JAKMIP1: variants seen among roughly 807,000 people sequenced by gnomAD.
JAKMIP1 encodes janus kinase and microtubule interacting protein 1, also known as janus kinase and microtubule-interacting protein 1.
Under a neutral mutation model 113.0 loss-of-function variants are expected in JAKMIP1, and 33 were observed. The ratio of observed to expected loss-of-function variants is 0.29; its 90% CI spans 0.22 to 0.39. The LOEUF (loss-of-function observed/expected upper bound fraction) is 0.39, where lower values mean the gene tolerates loss of function less well. JAKMIP1 is among the 10% of genes least tolerant of loss of function. The probability of loss-of-function intolerance (pLI) is 1.00; values close to 1 mark genes in which losing one functional copy is unlikely to be tolerated. For synonymous variants in JAKMIP1, 480 were observed against 459.9 expected, an observed-to-expected ratio of 1.04 and a Z score of -0.56; for missense variants, 813 against 1,080.5, an observed-to-expected ratio of 0.75 and a Z score of 3.47.
At chr4:6,079,073 G>C in intron 7 of JAKMIP1, 75 bp from the exon 8 acceptor site, 1 of 1,536,682 alleles carries the variant, frequency 6.5e-7, no homozygotes. Context: ...GCTCTCAAAG[G>C]GAGCTGGGCC....
In JAKMIP1 at chr4:6,081,508, G is replaced by T; in HGVS notation, c.1101+101C>A. 1 of 1,334,670 alleles carries T rather than the reference G, an allele frequency of 7.5e-7. No individual in the cohort carries two copies. The highest frequency in any genetic ancestry group is 1.0e-6 in the Non-Finnish European group (1 of 955,386). 82.7% of individuals were successfully genotyped at this position (1,334,670 alleles called of 1,614,324 possible). A position where few individuals can be genotyped will look rare whatever the true frequency, so the allele number is the denominator to read the frequency against. ...CTGGTGCTTTGTGGGGAGGTGGGCA[G>T]CAGGTGCGCCCCAGAACATGTGAAT... is the stretch of plus-strand genomic sequence containing the variant. On this transcript the variant is annotated intron_variant, in intron 6 of 20. Transcript: ENST00000409021. This position sits in a 1 kb window ranked among gnomAD's most constrained non-coding sequence, Gnocchi z 4.6.
intron 16 of JAKMIP1, among the ~76,000 whole-genome samples, chr4:6,047,172 C>T (rs151338918): frequency 0.018 from 2,798 of 152,324 alleles, 25 homozygotes; most frequent in Non-Finnish European, 0.031. Flanking sequence ...GCAGCTGGCA[C>T]GTGGTGTAGC....
chr4:6,055,861 C>A (rs1261815692), intron 12 of JAKMIP1, among the ~76,000 whole-genome samples: 4 of 149,612 alleles, frequency 2.7e-5, no homozygotes, highest in African/African-American at 7.5e-5. Flanking sequence ...GAGGTCGGGG[C>A]AGCCCTCCTT....
intron 5 of JAKMIP1, among the ~76,000 whole-genome samples, chr4:6,082,545 C>T (rs1720734727): frequency 6.6e-6 from 1 of 151,832 alleles, no homozygotes; most frequent in African/African-American, 2.4e-5. Flanking sequence ...ACTTCGTCAC[C>T]CAGGCTTGAG....
chr4:6,118,337 ACACAGGAAG>A lies in JAKMIP1; in HGVS notation c.-147-5349_-147-5341del, dbSNP rs906061905. Among the ~76,000 whole-genome samples the A allele has an allele frequency of 1.2e-4, 18 of 152,232 alleles. No individual in the cohort carries two copies. In the Middle Eastern group the frequency reaches 0.01, roughly 86 times the overall value. ...AGGGTGAAATGGGTCCCTGCCTGTCACACAGGAAGCATTGCAGAGGCTCTGTGACCATCA... is the reference window on the plus strand; with the variant it reads ...AGGGTGAAATGGGTCCCTGCCTGTCACATTGCAGAGGCTCTGTGACCATCA... On this transcript the variant is annotated intron_variant, in intron 1 of 20. Transcript: ENST00000409021.
rs537968426 is a variant in JAKMIP1 at position 6,116,456 on chromosome 4, G to A, written c.-147-3459C>T. On this transcript the variant is annotated intron_variant, in intron 1 of 20. Coordinates refer to ENST00000409021, the MANE Select transcript of JAKMIP1 (RefSeq NM_001099433.2). This position sits in a 1 kb window ranked among gnomAD's most constrained non-coding sequence, Gnocchi z 5.1. ...GGAGGATGACTGCTCAGGACACACA[G>A]GAGGCGGAGTCCTCAGAGAAGGCTC... Among the ~76,000 whole-genome samples the A allele has an allele frequency of 6.6e-6, 1 of 152,280 alleles. No homozygotes were observed. Among genetic ancestry groups the A allele is most frequent in the South Asian group, 2.1e-4 (1 of 4,824 alleles).
rs868317879 is a variant in JAKMIP1, at chr4:6,045,039, G to A, written c.2029-2812C>T. ...GGGTGGGGGCTGCTCTCCGCGCCCC[G>A]CCTCCCAGGGCCCCTCAGGTGCAGA... On this transcript the variant is annotated intron_variant, in intron 16 of 20. Transcript: ENST00000409021. 2.6e-5 allele frequency among the ~76,000 whole-genome samples: 4 copies of A among 152,222 alleles called. No homozygotes were observed. The East Asian group carries it at 5.8e-4, about 22-fold the overall frequency.
intron 9 of JAKMIP1, among the ~76,000 whole-genome samples, chr4:6,063,081 G>A (rs1271695193): frequency 1.3e-5 from 2 of 152,080 alleles, no homozygotes; most frequent in Non-Finnish European, 2.9e-5. Context: ...GGTGGAGGTT[G>A]CAGTAAGCCG....
intron 8 of JAKMIP1, among the ~76,000 whole-genome samples, chr4:6,072,488 C>T (rs900682069): frequency 9.9e-5 from 15 of 152,196 alleles, no homozygotes; most frequent in African/African-American, 3.6e-4. Context: ...GACCAGGTGA[C>T]AGGGACACTG....
In JAKMIP1 at chr4:6,067,255, A is replaced by G. The variant is rs1293864647; in HGVS notation, c.1303-2247T>C. 1.3e-5 allele frequency among the ~76,000 whole-genome samples: 2 copies of G among 152,204 alleles called. No homozygotes were observed. Among genetic ancestry groups the G allele is most frequent in the African/African-American group, 2.4e-5 (1 of 41,440 alleles). The stretch of plus-strand genomic sequence containing the variant: ...CCAGTGTTAATGAACTCAAAGCCAC[A>G]CTAGTTTGTCTATCCACAAACAGAT... On this transcript the variant is annotated intron_variant, in intron 8 of 20. Coordinates refer to ENST00000409021, the MANE Select transcript of JAKMIP1 (RefSeq NM_001099433.2). This position sits in a 1 kb window ranked among gnomAD's most constrained non-coding sequence, Gnocchi z 4.6.
At chr4:6,058,216 C>T (rs1400930036) in intron 11 of JAKMIP1, among the ~76,000 whole-genome samples, 1 of 152,184 alleles carries the variant, frequency 6.6e-6, no homozygotes, top group Non-Finnish European at 1.5e-5. Context: ...CTAAGTGTGG[C>T]AAGTAGAAAA....
chr4:6,039,413 T>C (rs1420878682), intron 18 of JAKMIP1, among the ~76,000 whole-genome samples: 1 of 152,134 alleles, frequency 6.6e-6, no homozygotes, highest in African/African-American at 2.4e-5. Context: ...TTTCCAACTT[T>C]ATTGCGCTAC....
chr4:6,113,565 C>T (rs1381866659), intron 1 of JAKMIP1, among the ~76,000 whole-genome samples: 5 of 152,188 alleles, frequency 3.3e-5, no homozygotes, highest in Non-Finnish European at 7.3e-5. Context: ...CCCAGTGTTA[C>T]AGATGAGGAA....
chr4:6,110,895 C>G (rs1239895847), intron 2 of JAKMIP1, among the ~76,000 whole-genome samples: 1 of 151,888 alleles, frequency 6.6e-6, no homozygotes, highest in Non-Finnish European at 1.5e-5. Context: ...CACCCCCAGC[C>G]AGTCAGCCCC....
chr4:6,181,718 T>C lies in JAKMIP1; in HGVS notation c.-148+18535A>G, dbSNP rs1195390220. 6.6e-6 allele frequency among the ~76,000 whole-genome samples: 1 copy of C among 152,312 alleles called. No individual in the cohort carries two copies. ...AACGCAAGCTCCATTCATTCATTCA[T>C]TCATTCAACAGCATCCTAGTGCCTG... On this transcript the variant is annotated intron_variant, in intron 1 of 20. Transcript: ENST00000409021. This position sits in a 1 kb window ranked among gnomAD's most constrained non-coding sequence, Gnocchi z 5.4.
intron 16 of JAKMIP1, among the ~76,000 whole-genome samples, chr4:6,046,486 G>A (rs558371751): frequency 5.3e-5 from 8 of 152,294 alleles, no homozygotes; most frequent in African/African-American, 1.9e-4. Context: ...GGCCTGGCAG[G>A]CTAGGGCGAC....
rs1466399593 is a variant in JAKMIP1 at position 6,051,081 on chromosome 4, A to G, written c.1807-402T>C. 6.6e-6 allele frequency among the ~76,000 whole-genome samples: 1 copy of G among 152,202 alleles called. No individual in the cohort carries two copies. Among genetic ancestry groups the G allele is most frequent in the Admixed American group, 6.5e-5 (1 of 15,274 alleles). On this transcript the variant is annotated intron_variant, in intron 13 of 20. Coordinates refer to ENST00000409021, the MANE Select transcript of JAKMIP1 (RefSeq NM_001099433.2). The surrounding 1 kb of genome is among the most constrained non-coding windows in gnomAD (Gnocchi z 5.0). The stretch of plus-strand genomic sequence containing the variant: ...CACACCACTCTCCCGTCTAATCCTC[A>G]CACTACCCCAGGAGGCAGGCTCATT...
At chr4:6,058,722 C>A (rs116156519) in intron 11 of JAKMIP1, among the ~76,000 whole-genome samples, 4,206 of 152,328 alleles carry the variant, frequency 0.028, 75 homozygotes, top group Non-Finnish European at 0.044. Context: ...ACAGGCAGCA[C>A]CCTTTCTGCA....
At chr4:6,062,780 C>T (rs955170964) in intron 9 of JAKMIP1, among the ~76,000 whole-genome samples, 2 of 152,210 alleles carry the variant, frequency 1.3e-5, no homozygotes, top group African/African-American at 4.8e-5. Flanking sequence ...GAACCAGCCC[C>T]AACTCCAGAA....
Sources: gnomAD v4.1 joint callset for allele counts (sites outside exome capture counted in the v4.1 genomes callset) on GRCh38, gnomAD v4.1.1 for gene constraint, Gnocchi (gnomAD v3.1) non-coding constraint, MANE v1.5 for transcripts, NCBI Gene and HGNC (gene_info 2026-07-23, HGNC 2026-07-21) for gene names.